SLC47A1: variants seen among roughly 807,000 people sequenced by gnomAD.
The protein encoded by SLC47A1 is multidrug and toxin extrusion protein 1.
Under a neutral mutation model 65.8 loss-of-function variants are expected in SLC47A1, and 58 were observed. The observed-to-expected ratio is 0.88, with a 90% CI of 0.71 to 1.10. The LOEUF (loss-of-function observed/expected upper bound fraction) is 1.10, where lower values mean the gene tolerates loss of function less well. Among genes scored for constraint, SLC47A1 ranks in the 50% least tolerant of loss-of-function variants. SLC47A1 has a pLI of 0.00. For synonymous variants in SLC47A1, 285 were observed against 295.0 expected (o/e 0.97, Z 0.35); for missense variants, 706 against 719.2 (o/e 0.98, Z 0.21).
intron 12 of SLC47A1, among the ~76,000 whole-genome samples, chr17:19,562,803 A>T (rs1230146891): frequency 1.3e-5 from 2 of 152,130 alleles, no homozygotes; most frequent in Non-Finnish European, 2.9e-5. Context: ...TGACGAGATG[A>T]GGAAACATCA....
intron 16 of SLC47A1, among the ~76,000 whole-genome samples, chr17:19,576,450 A>C (rs1303129770): frequency 6.7e-6 from 1 of 149,424 alleles, no homozygotes; most frequent in Non-Finnish European, 1.5e-5. Flanking sequence ...TCCTGGGCTC[A>C]AGTGATCCTC....
intron 12 of SLC47A1, among the ~76,000 whole-genome samples, chr17:19,562,432 A>T (rs2084319891): frequency 6.6e-6 from 1 of 151,890 alleles, no homozygotes; most frequent in African/African-American, 2.4e-5. Flanking sequence ...AGGCGTGGTG[A>T]GGCACGCCTG....
rs2084299848 is a variant in SLC47A1, at chr17:19,560,420, C to T, written c.1033C>T (p.Leu345Phe). The T allele has an allele frequency of 1.9e-6, 3 of 1,614,030 alleles. No homozygotes were observed. Among genetic ancestry groups the T allele is most frequent in the African/African-American group, 2.7e-5 (2 of 74,918 alleles). Residue 345 changes from leucine to phenylalanine, a missense_variant and splice_region_variant, in exon 12 of 17, where the codon CTC becomes TTC. Transcript: ENST00000270570. ...SSTVSLLITV[L>F]FAVAFSVLLL... ...TCTTCTGCCGTTTTTACCTTCAGTG[C>T]TCTTTGCTGTAGCCTTCAGTGTCCT...
rs1314045669 is a variant in SLC47A1, at chr17:19,555,221, C to T, written c.553C>T (p.Leu185=). Residue 185 remains leucine, a synonymous_variant, in exon 7 of 17, where the codon CTG becomes TTG. Transcript: ENST00000270570. ...GGTGTCCTTTTTCCAGGGAATTGTA[C>T]TGCCCCAGATCGTAACTGGAGTTGC... ...VKYLLNQGIV[L]PQIVTGVAAN... is the part of the protein sequence containing the mutation. 1.9e-6 allele frequency: 3 copies of T among 1,614,176 alleles called. No homozygotes were observed. The South Asian group carries it at 3.3e-5, about 18-fold the overall frequency.
intron 11 of SLC47A1, 27 bp downstream of exon 11, chr17:19,560,323 C>T: frequency 6.2e-7 from 1 of 1,607,990 alleles, no homozygotes; most frequent in Non-Finnish European, 8.5e-7. Flanking sequence ...ACCCGAGGCT[C>T]TTGGTGCAGT....
At chr17:19,555,456 A>T in intron 7 of SLC47A1, 137 bp from the exon 8 acceptor site, 2 of 1,272,514 alleles carry the variant, frequency 1.6e-6, no homozygotes. Flanking sequence ...TCAGGGATGG[A>T]GGGTGAGGCT....
In SLC47A1 at chr17:19,560,994, C is replaced by T. The variant is rs541858931; in HGVS notation, c.1106+501C>T. 1.7e-4 allele frequency among the ~76,000 whole-genome samples: 26 copies of T among 152,014 alleles called. No homozygotes were observed. In the South Asian group the frequency reaches 4.4e-3, roughly 26 times the overall value. Reference sequence around the variant, plus strand: ...AAAAGAGGCCGGGCACAGTGGCTCACGCTGGTAATCCTAGCACTTTGGTAT... The same window carrying T: ...AAAAGAGGCCGGGCACAGTGGCTCATGCTGGTAATCCTAGCACTTTGGTAT... On this transcript the variant is annotated intron_variant, in intron 12 of 16. Transcript: ENST00000270570.
At chr17:19,536,778 A>G (rs1915998271) in intron 1 of SLC47A1, among the ~76,000 whole-genome samples, 1 of 152,198 alleles carries the variant, frequency 6.6e-6, no homozygotes, top group Admixed American at 6.5e-5. Flanking sequence ...CCAACATAAC[A>G]TGAGGAAGAT....
At chr17:19,570,848 G>C (rs1000492018) in intron 14 of SLC47A1, 2 of 152,228 alleles carry the variant, frequency 1.3e-5, no homozygotes, top group Non-Finnish European at 2.9e-5. Context: ...TCCTCACCTG[G>C]GGTCTCCCTC....
At chr17:19,538,958 A>G (rs962449527) in intron 1 of SLC47A1, among the ~76,000 whole-genome samples, 1 of 152,186 alleles carries the variant, frequency 6.6e-6, no homozygotes, top group Non-Finnish European at 1.5e-5. Context: ...TGTTTGAAGC[A>G]GGGTCTCGCT....
chr17:19,575,772 G>A (rs1260837008), intron 16 of SLC47A1, among the ~76,000 whole-genome samples: 1 of 151,986 alleles, frequency 6.6e-6, no homozygotes, highest in African/African-American at 2.4e-5. Flanking sequence ...GAAACTGTTG[G>A]GGTGAAGGAG....
At chr17:19,562,334 A>G (rs2084317989) in intron 12 of SLC47A1, among the ~76,000 whole-genome samples, 1 of 152,140 alleles carries the variant, frequency 6.6e-6, no homozygotes, top group African/African-American at 2.4e-5. Flanking sequence ...AGGCTGAGGC[A>G]GATGGATTGC....
chr17:19,549,081 G>A (rs2152313521), intron 4 of SLC47A1, among the ~76,000 whole-genome samples: 1 of 152,198 alleles, frequency 6.6e-6, no homozygotes, highest in Non-Finnish European at 1.5e-5. Flanking sequence ...GAATTACCTG[G>A]CCATAGTGCT....
intron 3 of SLC47A1, among the ~76,000 whole-genome samples, 169 bp downstream of exon 3, chr17:19,546,672 T>C (rs1454976528): frequency 2.0e-5 from 3 of 152,206 alleles, no homozygotes; most frequent in Non-Finnish European, 4.4e-5. Context: ...CTAGGTTTCT[T>C]TCAGCCTTGT....
chr17:19,549,484 G>T (rs1017505232), intron 4 of SLC47A1, 151 bp from the exon 5 acceptor site: 26 of 763,818 alleles, frequency 3.4e-5, no homozygotes, highest in Non-Finnish European at 5.4e-5. Context: ...GTGAGCCACC[G>T]CGCCCGGCCT....
intron 7 of SLC47A1, 21 bp downstream of exon 7, chr17:19,555,330 G>A (rs747981507): frequency 4.2e-5 from 67 of 1,612,360 alleles, no homozygotes; most frequent in Non-Finnish European, 5.3e-5. Context: ...CATACTCTTG[G>A]GACAGGGAGA....
chr17:19,567,290 A>T, intron 14 of SLC47A1, 62 bp downstream of exon 14: 1 of 1,608,092 alleles, frequency 6.2e-7, no homozygotes, highest in Non-Finnish European at 8.5e-7. Context: ...TGACCGTCGG[A>T]GCACACGGGT....
Position 19,534,111 on chromosome 17 carries a change from C to CG in SLC47A1, c.135+40dup, listed in dbSNP as rs766356405. The stretch of plus-strand genomic sequence containing the variant: ...GGCCTCAGTGGCAGGCCGGTACCGG[C>CG]GGGCTGGGGACCTGGTGATTTCTGC... On this transcript the variant is annotated intron_variant, in intron 1 of 16. Coordinates refer to ENST00000270570, the MANE Select transcript of SLC47A1 (RefSeq NM_018242.3). 6 of 1,488,650 alleles carry CG rather than the reference C, an allele frequency of 4.0e-6. No homozygotes were observed. In the Admixed American group the frequency reaches 1.3e-4, roughly 33 times the overall value. The allele number at this position is 1,488,650 out of a possible 1,614,324, so 92.2% of individuals were successfully genotyped here. A position where few individuals can be genotyped will look rare whatever the true frequency, so the allele number is the denominator to read the frequency against.
intron 1 of SLC47A1, among the ~76,000 whole-genome samples, chr17:19,541,183 C>T (rs931310931): frequency 2.6e-5 from 4 of 152,124 alleles, no homozygotes; most frequent in Non-Finnish European, 5.9e-5. Flanking sequence ...CGGTGAGAGG[C>T]GGCCTTGTGG....
Sources: allele counts gnomAD v4.1 joint callset (sites outside exome capture counted in the v4.1 genomes callset), GRCh38; gene constraint gnomAD v4.1.1; transcripts MANE v1.5; gene names NCBI Gene and HGNC (gene_info 2026-07-23, HGNC 2026-07-21).